The following PLK5 variants were observed in gnomAD, a reference collection of about 807,000 sequenced individuals.
The protein encoded by PLK5 is inactive serine/threonine-protein kinase PLK5.
PLK5 carries 28 observed loss-of-function variants against 33.7 expected under a neutral mutation model. That is an observed-to-expected ratio of 0.83 (90% confidence interval 0.62 to 1.14). The LOEUF (loss-of-function observed/expected upper bound fraction) is 1.14. Among genes scored for constraint, PLK5 ranks in the 50% most tolerant of loss-of-function variants. The probability of loss-of-function intolerance (pLI) is 0.00; values close to 1 mark genes in which losing one functional copy is unlikely to be tolerated. For missense variants in PLK5, 492 were observed against 461.5 expected (o/e 1.07, Z -0.61); for synonymous variants, 225 against 202.2 (o/e 1.11, Z -0.96).
chr19:1,529,525 G>A (rs1426132016), intron 10 of PLK5, 35 bp downstream of exon 10: 2 of 1,521,576 alleles, frequency 1.3e-6, no homozygotes, highest in Admixed American at 2.0e-5. Context: ...GGGGCTGCAG[G>A]TGGGGAGGGA....
intron 7 of PLK5, 74 bp downstream of exon 7, chr19:1,528,208 TC>T: frequency 6.5e-7 from 1 of 1,529,842 alleles, no homozygotes; most frequent in Non-Finnish European, 8.7e-7. Context: ...CCTGCCCTGC[TC>T]AGCCGAGGGA....
At chr19:1,528,169 T>C in intron 7 of PLK5, 35 bp downstream of exon 7, 2 of 1,529,280 alleles carry the variant, frequency 1.3e-6, no homozygotes, top group Non-Finnish European at 1.8e-6. Context: ...GTCCCTGGCG[T>C]GGGGTCCCTG....
chr19:1,535,590 A>T lies in PLK5; in HGVS notation c.*340A>T. On this transcript the variant is annotated 3_prime_UTR_variant, in exon 14 of 14. Transcript: ENST00000454744. ...GGGTTACATTTTCACTAATGCAGAC[A>T]TTAGCACCAGAGGCCAGTGTAGTGG... 3.3e-6 allele frequency: 1 copy of T among 302,074 alleles called. No individual in the cohort carries two copies. The highest frequency in any genetic ancestry group is 3.9e-5 in the South Asian group (1 of 25,664). The allele number at this position is 302,074 out of a possible 1,614,324, so 18.7% of individuals were successfully genotyped here.
At position 1,531,867 on chromosome 19, in the gene PLK5, C is replaced by T. The variant is rs1384645584; in HGVS notation, c.698C>T (p.Pro233Leu). 1.2e-5 allele frequency: 18 copies of T among 1,495,162 alleles called. No individual in the cohort carries two copies. Among genetic ancestry groups the T allele is most frequent in the Non-Finnish European group, 1.5e-5 (17 of 1,126,900 alleles). 92.6% of individuals were successfully genotyped at this position (1,495,162 alleles called of 1,614,324 possible). Residue 233 changes from proline (P) to leucine (L), a missense_variant, in exon 12 of 14, where the codon CCT (proline) becomes CTT (leucine). Coordinates refer to ENST00000454744, the MANE Select transcript of PLK5 (RefSeq NM_001243079.2). ...GGRTGRHPHG[P>L]ATPRREGTLP... is the part of the protein sequence containing the mutation. ...CGCACGGGACGGCACCCACATGGCC[C>T]TGCGACCCCCCGGAGGGTAAGTTGT...
chr19:1,530,346 G>A lies in PLK5; in HGVS notation c.568+522G>A, dbSNP rs1055042449. 7.2e-5 allele frequency among the ~76,000 whole-genome samples: 11 copies of A among 152,070 alleles called. No individual in the cohort carries two copies. The Middle Eastern group carries it at 0.01, about 141-fold the overall frequency. On this transcript the variant is annotated intron_variant, in intron 11 of 13. Coordinates refer to ENST00000454744, the MANE Select transcript of PLK5 (RefSeq NM_001243079.2). Reference sequence around the variant, plus strand: ...GAATCTCACTCTGTTGCCTAGGCTGGAGTGCAATGGTGCCATCTTGGCTCA... The same window carrying A: ...GAATCTCACTCTGTTGCCTAGGCTGAAGTGCAATGGTGCCATCTTGGCTCA...
At chr19:1,529,630 C>T (rs996936935) in intron 10 of PLK5, 117 bp from the exon 11 acceptor site, 72 of 1,404,026 alleles carry the variant, frequency 5.1e-5, no homozygotes, top group Non-Finnish European at 5.9e-5. Flanking sequence ...ATGGGAATGC[C>T]GCCTCTGGGT....
chr19:1,535,197 C>A lies in PLK5; in HGVS notation c.958C>A (p.Pro320Thr), dbSNP rs12971308. ...CGTCCCGCGGAGCCACGGCTGCGCC[C>A]CCACCACCGGACAGCACCTTCACCA... ...LDVPRSHGCAPTTGQHLHHAL... is the reference protein window; with the variant it reads ...LDVPRSHGCATTTGQHLHHAL... The change falls in exon 14 of 14, where the codon CCC becomes ACC. Residue 320 changes from proline to threonine, a missense_variant. Transcript: ENST00000454744. The A allele has an allele frequency of 5.5e-6, 5 of 908,632 alleles. No homozygotes were observed. Among genetic ancestry groups the A allele is most frequent in the East Asian group, 2.2e-4 (1 of 4,510 alleles). The allele number at this position is 908,632 out of a possible 1,614,324, so 56.3% of individuals were successfully genotyped here.
At chr19:1,531,151 C>T (rs1286711357) in intron 11 of PLK5, among the ~76,000 whole-genome samples, 2 of 151,862 alleles carry the variant, frequency 1.3e-5, no homozygotes, top group African/African-American at 2.4e-5. Context: ...TGGCTCATGC[C>T]TGTCATCCCA....
In PLK5 at chr19:1,535,190, C is replaced by T; in HGVS notation, c.951C>T (p.Gly317=). Residue 317 remains glycine, a synonymous_variant, in exon 14 of 14, where the codon GGC becomes GGT. Transcript: ENST00000454744. ...SYSLDVPRSH[G]CAPTTGQHLH... ...CCCTGGACGTCCCGCGGAGCCACGG[C>T]TGCGCCCCCACCACCGGACAGCACC... The T allele has an allele frequency of 1.3e-6, 2 of 1,517,722 alleles. No homozygotes were observed. Among genetic ancestry groups the T allele is most frequent in the Non-Finnish European group, 1.7e-6 (2 of 1,144,286 alleles). The allele number at this position is 1,517,722 out of a possible 1,614,324, so 94.0% of individuals were successfully genotyped here.
At chr19:1,534,280 G>A (rs931480791) in intron 13 of PLK5, among the ~76,000 whole-genome samples, 5 of 152,050 alleles carry the variant, frequency 3.3e-5, no homozygotes, top group East Asian at 3.8e-4. Flanking sequence ...AGGCCGAGGC[G>A]GGCAGATCGC....
At chr19:1,529,157 C>A in intron 9 of PLK5, 183 bp downstream of exon 9, 1 of 663,130 alleles carries the variant, frequency 1.5e-6, no homozygotes, top group South Asian at 2.0e-5. Context: ...AATGTGCCCA[C>A]CTGGGCTTTC....
chr19:1,524,485 C>T lies in PLK5; in HGVS notation c.-544+239C>T, dbSNP rs1913677194. Among the ~76,000 whole-genome samples, 1 of 152,004 alleles carries T rather than the reference C, an allele frequency of 6.6e-6. No homozygotes were observed. Among genetic ancestry groups the T allele is most frequent in the African/African-American group, 2.4e-5 (1 of 41,398 alleles). ...GTGTCCGGGGTGTGGGCGTGCGGCT[C>T]GGCCTCGGGATGCGACGCTGTGTTG... is the stretch of plus-strand genomic sequence containing the variant. On this transcript the variant is annotated intron_variant, in intron 1 of 13. Transcript: ENST00000454744. The surrounding 1 kb of genome is among the most constrained non-coding windows in gnomAD (Gnocchi z 4.5).
intron 5 of PLK5, 35 bp from the exon 6 acceptor site, chr19:1,526,868 C>A: frequency 1.7e-6 from 2 of 1,202,258 alleles, no homozygotes; most frequent in South Asian, 2.6e-5. Flanking sequence ...ACGGGGATCC[C>A]AGCCTTCCTG....
At position 1,524,600 on chromosome 19, in the gene PLK5, CG is replaced by C. The variant is rs1913681017; in HGVS notation, c.-544+355del. Among the ~76,000 whole-genome samples, 2 of 149,916 alleles carry C rather than the reference CG, an allele frequency of 1.3e-5. No homozygotes were observed. The highest frequency in any genetic ancestry group is 4.9e-5 in the African/African-American group (2 of 40,718). ...AAGTGTCTGGGTGCTGTGCGGTGTTCGTGTGTGTGTGTGTGTGTGTGTGTGT... is the reference window on the plus strand; with the variant it reads ...AAGTGTCTGGGTGCTGTGCGGTGTTCTGTGTGTGTGTGTGTGTGTGTGTGT... On this transcript the variant is annotated intron_variant, in intron 1 of 13. Coordinates refer to ENST00000454744, the MANE Select transcript of PLK5 (RefSeq NM_001243079.2). The surrounding 1 kb of genome is among the most constrained non-coding windows in gnomAD (Gnocchi z 4.5).
In PLK5 at chr19:1,533,971, G is replaced by T. The variant is rs1264459698; in HGVS notation, c.755G>T (p.Gly252Val). The change falls in exon 13 of 14, where the codon GGC becomes GTC. Residue 252 changes from glycine to valine, a missense_variant. Transcript: ENST00000454744. ...ACACCTGTGCCACCTGCTGGACCCG[G>T]CCTCTGCCTCCTGCGCTTCCTGGCC... ...LPTPVPPAGPGLCLLRFLASE... is the reference protein window; with the variant it reads ...LPTPVPPAGPVLCLLRFLASE... 1 of 1,535,014 alleles carries T rather than the reference G, an allele frequency of 6.5e-7. No homozygotes were observed. Among genetic ancestry groups the T allele is most frequent in the Non-Finnish European group, 8.7e-7 (1 of 1,146,776 alleles).
At chr19:1,529,361 G>T (rs1181995877) in intron 9 of PLK5, 45 bp from the exon 10 acceptor site, 2 of 1,486,462 alleles carry the variant, frequency 1.3e-6, no homozygotes, top group African/African-American at 2.8e-5. Flanking sequence ...CCTGTCCCTG[G>T]GGCTGGGGCC....
At position 1,535,724 on chromosome 19, in the gene PLK5, A is replaced by G. The variant is rs1162578375; in HGVS notation, c.*474A>G. 3 of 172,186 alleles carry G rather than the reference A, an allele frequency of 1.7e-5. No individual in the cohort carries two copies. Among genetic ancestry groups the G allele is most frequent in the Non-Finnish European group, 2.4e-5 (2 of 81,712 alleles). The allele number at this position is 172,186 out of a possible 1,614,324, so 10.7% of individuals were successfully genotyped here. On this transcript the variant is annotated 3_prime_UTR_variant, in exon 14 of 14. Transcript: ENST00000454744. ...ATGGCAAGACCCCATCTCTACAAAA[A>G]ATTAGCTGGGCATGGTGGCACGTGC... is the stretch of plus-strand genomic sequence containing the variant.
Position 1,535,499 on chromosome 19 carries a change from CT to C in PLK5, c.*252del. 1 of 503,378 alleles carries C rather than the reference CT, an allele frequency of 2.0e-6. No homozygotes were observed. Among genetic ancestry groups the C allele is most frequent in the Non-Finnish European group, 3.4e-6 (1 of 291,350 alleles). The allele number at this position is 503,378 out of a possible 1,614,324, so 31.2% of individuals were successfully genotyped here. On this transcript the variant is annotated 3_prime_UTR_variant, in exon 14 of 14. Coordinates refer to ENST00000454744, the MANE Select transcript of PLK5 (RefSeq NM_001243079.2). Reference sequence around the variant, plus strand: ...TCTTTGGGGGAAAGCGTTTGAGGAGCTTTGGCAAAGAAACGTTGACCCCACG... The same window carrying C: ...TCTTTGGGGGAAAGCGTTTGAGGAGCTTGGCAAAGAAACGTTGACCCCACG...
intron 12 of PLK5, 73 bp from the exon 13 acceptor site, chr19:1,533,858 G>A (rs1364924786): frequency 2.4e-6 from 3 of 1,226,424 alleles, no homozygotes; most frequent in Non-Finnish European, 2.3e-6. Context: ...GGTGAGAGCT[G>A]GGGTGCTGGG....
Sources: gnomAD v4.1 joint callset for allele counts (sites outside exome capture counted in the v4.1 genomes callset) on GRCh38, gnomAD v4.1.1 for gene constraint, Gnocchi (gnomAD v3.1) non-coding constraint, MANE v1.5 for transcripts, NCBI Gene and HGNC (gene_info 2026-07-23, HGNC 2026-07-21) for gene names.